Variants in ZYG11A observed in about 807,000 individuals in gnomAD.
The protein encoded by ZYG11A is zyg-11 family member A, cell cycle regulator.
Under a neutral mutation model 77.2 loss-of-function variants are expected in ZYG11A, and 62 were observed. The observed-to-expected ratio is 0.80, with a 90% CI of 0.65 to 0.99. The LOEUF is 0.99. ZYG11A is among the 50% of genes least tolerant of loss of function. The pLI, the probability that ZYG11A is intolerant of heterozygous loss-of-function variation, is 0.00. For missense variants in ZYG11A, 828 were observed against 896.8 expected (o/e 0.92, Z 0.98); for synonymous variants, 315 against 324.6 (o/e 0.97, Z 0.32).
chr1:52,884,276 C>G (rs1011081985), intron 11 of ZYG11A, among the ~76,000 whole-genome samples: 6 of 151,932 alleles, frequency 3.9e-5, no homozygotes, highest in Non-Finnish European at 7.4e-5. Context: ...GCGGGCAGAT[C>G]ATGAGGTCTG....
At chr1:52,876,686 C>T (rs1003752621) in intron 8 of ZYG11A, among the ~76,000 whole-genome samples, 3 of 152,180 alleles carry the variant, frequency 2.0e-5, no homozygotes, top group Non-Finnish European at 2.9e-5. Flanking sequence ...GCACCCGTCT[C>T]ATCTAACACT....
intron 1 of ZYG11A, among the ~76,000 whole-genome samples, chr1:52,849,389 A>G (rs944831333): frequency 2.0e-5 from 3 of 150,904 alleles, no homozygotes; most frequent in African/African-American, 7.3e-5. Context: ...TTTGAGACCA[A>G]GTCTTGCTCT....
intron 8 of ZYG11A, among the ~76,000 whole-genome samples, chr1:52,876,110 G>A (rs1453882475): frequency 6.6e-6 from 1 of 152,236 alleles, no homozygotes; most frequent in African/African-American, 2.4e-5. Flanking sequence ...AATGAGGGGA[G>A]TGAGAAGATG....
intron 8 of ZYG11A, among the ~76,000 whole-genome samples, chr1:52,876,443 A>G (rs1646262459): frequency 6.6e-6 from 1 of 152,126 alleles, no homozygotes; most frequent in South Asian, 2.1e-4. Flanking sequence ...CAGGCCAGGC[A>G]CTCTTACGAC....
intron 3 of ZYG11A, among the ~76,000 whole-genome samples, chr1:52,858,349 C>T (rs1645857564): frequency 6.6e-6 from 1 of 150,560 alleles, no homozygotes; most frequent in Non-Finnish European, 1.5e-5. Flanking sequence ...CACTGCACTC[C>T]AGCCTGGCCA....
At chr1:52,861,439 G>GC (rs1645924648) in intron 4 of ZYG11A, among the ~76,000 whole-genome samples, 1 of 152,126 alleles carries the variant, frequency 6.6e-6, no homozygotes, top group Non-Finnish European at 1.5e-5. Flanking sequence ...CCTTAAAAAT[G>GC]TGGATATTTT....
chr1:52,887,147 C>T, intron 13 of ZYG11A, 94 bp downstream of exon 13: 1 of 529,610 alleles, frequency 1.9e-6, no homozygotes, highest in Non-Finnish European at 3.2e-6. Flanking sequence ...AAATTGTCTA[C>T]CTCTGTCCTC....
In ZYG11A at chr1:52,860,745, C is replaced by T. The variant is rs375832765; in HGVS notation, c.1023C>T (p.Ala341=). The change falls in exon 4 of 14, where the codon GCC becomes GCT. Residue 341 remains alanine (A), a synonymous_variant. Coordinates refer to ENST00000371528, the MANE Select transcript of ZYG11A (RefSeq NM_001004339.3). ...TTTATTTTCAGGTTGCTGGAGGAGC[C>T]AGTATGAGTCAGATTTCAGAAGCAC... ...TKQGLRVAGG[A]SMSQISEALS... 521 of 1,551,118 alleles carry T rather than the reference C, an allele frequency of 3.4e-4. No homozygotes were observed. The highest frequency in any genetic ancestry group is 5.1e-4 in the Admixed American group (26 of 50,890).
chr1:52,844,435 T>C (rs1645523763), intron 1 of ZYG11A, among the ~76,000 whole-genome samples: 1 of 152,330 alleles, frequency 6.6e-6, no homozygotes, highest in Admixed American at 6.5e-5. Flanking sequence ...CGAAACAAGA[T>C]TTCTTTACAA....
intron 8 of ZYG11A, among the ~76,000 whole-genome samples, chr1:52,870,216 C>G (rs997885348): frequency 2.2e-5 from 3 of 135,630 alleles, no homozygotes; most frequent in African/African-American, 7.5e-5. Flanking sequence ...TCGTCACTTC[C>G]TAGATGGGAT....
At chr1:52,871,898 A>G (rs1437549165) in intron 8 of ZYG11A, among the ~76,000 whole-genome samples, 1 of 152,214 alleles carries the variant, frequency 6.6e-6, no homozygotes, top group African/African-American at 2.4e-5. Flanking sequence ...GAACAAGAGT[A>G]TGTTTATTCA....
At chr1:52,847,849 TTTATTTA>T (rs1407033030) in intron 1 of ZYG11A, among the ~76,000 whole-genome samples, 1,254 of 92,230 alleles carry the variant, frequency 0.014, 23 homozygotes, top group African/African-American at 0.041. Context: ...TATTTATTTA[TTTATTTA>T]TTTATTTATT....
intron 2 of ZYG11A, among the ~76,000 whole-genome samples, chr1:52,855,569 C>G (rs1645795375): frequency 6.6e-6 from 1 of 152,202 alleles, no homozygotes; most frequent in Non-Finnish European, 1.5e-5. Context: ...TTCCCTTTTC[C>G]CGCATCCCTC....
chr1:52,892,985 C>T lies in ZYG11A; in HGVS notation c.*28C>T. On this transcript the variant is annotated 3_prime_UTR_variant, in exon 14 of 14. Coordinates refer to ENST00000371528, the MANE Select transcript of ZYG11A (RefSeq NM_001004339.3). ...CTAAGGAATTTCAGAGGTGTGTGCT[C>T]TTCCTCAATGTCAGGTGTTCTGCCC... 6.5e-7 allele frequency: 1 copy of T among 1,540,846 alleles called. No homozygotes were observed. The highest frequency in any genetic ancestry group is 8.8e-7 in the Non-Finnish European group (1 of 1,139,718).
chr1:52,859,669 T>TAC (rs1645888551), intron 3 of ZYG11A, among the ~76,000 whole-genome samples: 1 of 45,784 alleles, frequency 2.2e-5, no homozygotes, highest in Non-Finnish European at 4.7e-5. Flanking sequence ...TGTATTGCCT[T>TAC]TTTTTTTTTT....
At chr1:52,867,873 T>A in intron 8 of ZYG11A, 96 bp downstream of exon 8, 1 of 1,016,356 alleles carries the variant, frequency 9.8e-7, no homozygotes, top group Non-Finnish European at 1.4e-6. Flanking sequence ...AAAGGCCTAT[T>A]AAGGTGAGAA....
At chr1:52,861,961 C>T (rs1408387271) in intron 4 of ZYG11A, among the ~76,000 whole-genome samples, 3 of 152,118 alleles carry the variant, frequency 2.0e-5, no homozygotes, top group South Asian at 4.2e-4. Flanking sequence ...GTAATCCCAG[C>T]ACTTTTTGGG....
intron 2 of ZYG11A, among the ~76,000 whole-genome samples, 190 bp from the exon 3 acceptor site, chr1:52,856,808 T>C (rs1343895476): frequency 2.6e-5 from 4 of 152,200 alleles, no homozygotes; most frequent in Non-Finnish European, 4.4e-5. Context: ...AATAATTCCT[T>C]TATAGTATTA....
intron 1 of ZYG11A, among the ~76,000 whole-genome samples, chr1:52,847,735 T>C (rs1436524394): frequency 6.6e-6 from 1 of 150,988 alleles, no homozygotes; most frequent in African/African-American, 2.4e-5. Context: ...AGTGGCGCGA[T>C]CTCGGTTCGC....
Sources: gnomAD v4.1 joint callset for allele counts (sites outside exome capture counted in the v4.1 genomes callset) on GRCh38, gnomAD v4.1.1 for gene constraint, MANE v1.5 for transcripts, NCBI Gene and HGNC (gene_info 2026-07-23, HGNC 2026-07-21) for gene names.